The following PAK4 variants were observed in gnomAD, a reference collection of about 807,000 sequenced individuals.
The protein encoded by PAK4 is p21 (RAC1) activated kinase 4, also known as serine/threonine-protein kinase PAK 4.
A neutral mutation model predicts 53.5 loss-of-function variants in PAK4; 49 were observed. The ratio of observed to expected loss-of-function variants is 0.92; its 90% CI spans 0.73 to 1.16. The LOEUF is 1.16. Ranked by LOEUF, PAK4 falls within the 50% of genes most tolerant of loss-of-function variation. The pLI is 0.00. For missense variants in PAK4, 824 were observed against 850.7 expected, an observed-to-expected ratio of 0.97 and a Z score of 0.39; for synonymous variants, 376 against 375.6, an observed-to-expected ratio of 1.00 and a Z score of -0.01.
chr19:39,152,658 C>T (rs1417648595), intron 1 of PAK4, among the ~76,000 whole-genome samples: 1 of 152,096 alleles, frequency 6.6e-6, no homozygotes, highest in Admixed American at 6.5e-5. Context: ...AGTCAACAGC[C>T]ACAGGGCATA....
chr19:39,149,816 A>G (rs558219125), intron 1 of PAK4, among the ~76,000 whole-genome samples: 12 of 152,168 alleles, frequency 7.9e-5, no homozygotes, highest in Non-Finnish European at 1.3e-4. Flanking sequence ...AGATTGCACC[A>G]TTGCACTCCA....
intron 1 of PAK4, among the ~76,000 whole-genome samples, chr19:39,160,062 G>A (rs2074259588): frequency 2.0e-5 from 3 of 152,232 alleles, no homozygotes; most frequent in South Asian, 4.1e-4. Context: ...AGTGGGGAGG[G>A]CCTGGGCGTT....
At chr19:39,131,815 C>A (rs1413086876) in intron 1 of PAK4, among the ~76,000 whole-genome samples, 1 of 152,206 alleles carries the variant, frequency 6.6e-6, no homozygotes, top group Non-Finnish European at 1.5e-5. Context: ...TAGCCTTTTT[C>A]ACTAGCTGGG....
intron 1 of PAK4, among the ~76,000 whole-genome samples, chr19:39,132,306 C>T (rs1367593044): frequency 2.6e-5 from 4 of 152,204 alleles, no homozygotes; most frequent in South Asian, 2.1e-4. Context: ...TGTACAGGGA[C>T]GAGCAAATCT....
At chr19:39,148,465 G>GTTTTTTTTTT (rs1568506439) in intron 1 of PAK4, among the ~76,000 whole-genome samples, 2 of 9,124 alleles carry the variant, frequency 2.2e-4, no homozygotes, top group African/African-American at 4.0e-4. Context: ...AGTTTCTTCT[G>GTTTTTTTTTT]CTTTTTTTTT....
At chr19:39,154,492 T>C (rs2074143826) in intron 1 of PAK4, among the ~76,000 whole-genome samples, 1 of 152,042 alleles carries the variant, frequency 6.6e-6, no homozygotes, top group Admixed American at 6.5e-5. Flanking sequence ...TGGGCCAGGG[T>C]GGAAGGAGGA....
At chr19:39,127,348 TCTG>T (rs776047601) in intron 1 of PAK4, among the ~76,000 whole-genome samples, 19 of 151,994 alleles carry the variant, frequency 1.3e-4, no homozygotes, top group South Asian at 6.2e-4. Context: ...TCCTGTTCCT[TCTG>T]CTGGGAATCC....
intron 1 of PAK4, among the ~76,000 whole-genome samples, chr19:39,158,181 ATG>A (rs1313686145): frequency 6.7e-5 from 10 of 148,836 alleles, no homozygotes; most frequent in South Asian, 2.1e-4. Flanking sequence ...GTGAGTGTGC[ATG>A]TGTGTGAGCG....
intron 1 of PAK4, among the ~76,000 whole-genome samples, chr19:39,143,037 C>T (rs76945662): frequency 0.02 from 3,059 of 152,242 alleles, 38 homozygotes; most frequent in Middle Eastern, 0.044. Context: ...ATGGCTTCCT[C>T]ACCTGTATCC....
chr19:39,169,004 C>T lies in PAK4; in HGVS notation c.-22-528C>T, dbSNP rs116879829. ...ATGTGGCACTGACACTCTAGCGGTG[C>T]GGTGTGGATGCTGCACTCATGAACC... On this transcript the variant is annotated intron_variant, in intron 1 of 8. Transcript: ENST00000358301. Among the ~76,000 whole-genome samples the T allele has an allele frequency of 2.7e-4, 41 of 152,240 alleles. 1 individual carries two copies. The East Asian group carries it at 6.8e-3, about 25-fold the overall frequency.
rs571562892 is a variant in PAK4 at position 39,137,759 on chromosome 19, C to T, written c.-23+11840C>T. 7.1e-4 allele frequency among the ~76,000 whole-genome samples: 107 copies of T among 151,606 alleles called. No individual in the cohort carries two copies. The East Asian group carries it at 0.012, about 18-fold the overall frequency. ...TTGGCTCACTACAACCTCCGCCTGC[C>T]GGGTTCAAGCGATTCTCCTGCCTCA... On this transcript the variant is annotated intron_variant, in intron 1 of 8. Coordinates refer to ENST00000358301, the Ensembl canonical transcript of PAK4.
rs575867422 is a variant in PAK4 at position 39,165,159 on chromosome 19, G to A, written c.-22-4373G>A. ...AGAATGGGAACGGAGGGAGAGGGGA[G>A]GCCAGGACCAGCCTTGAGAGGATGA... On this transcript the variant is annotated intron_variant, in intron 1 of 8. Coordinates refer to ENST00000358301, the Ensembl canonical transcript of PAK4. Among the ~76,000 whole-genome samples the A allele has an allele frequency of 3.3e-5, 5 of 150,154 alleles. No homozygotes were observed. The East Asian group carries it at 9.8e-4, about 29-fold the overall frequency.
intron 1 of PAK4, among the ~76,000 whole-genome samples, chr19:39,145,877 T>G (rs2145167066): frequency 6.7e-6 from 1 of 149,606 alleles, no homozygotes; most frequent in East Asian, 2.0e-4. Flanking sequence ...GAGTTTACTC[T>G]CAAAGGCTCT....
In PAK4 at chr19:39,178,344, G is replaced by A; in HGVS notation, c.1621-80G>A. ...CACAGTACATGCCGCCAGCCGACTT[G>A]GCAGAGGCGGACACTGCAGCCCTAC... On this transcript the variant is annotated intron_variant, in intron 8 of 8. Transcript: ENST00000358301. This position sits in a 1 kb window ranked among gnomAD's most constrained non-coding sequence, Gnocchi z 4.4. 6.1e-6 allele frequency: 9 copies of A among 1,476,344 alleles called. No homozygotes were observed. Among genetic ancestry groups the A allele is most frequent in the Non-Finnish European group, 8.2e-6 (9 of 1,091,828 alleles). The allele number at this position is 1,476,344 out of a possible 1,614,324, so 91.5% of individuals were successfully genotyped here.
intron 2 of PAK4, among the ~76,000 whole-genome samples, chr19:39,169,977 C>G (rs2074448306): frequency 3.5e-5 from 1 of 28,444 alleles, no homozygotes; most frequent in South Asian, 1.6e-3. Context: ...ACCTGAGCCT[C>G]CCCCACGGCC....
At chr19:39,179,842 G>A (rs1568536197), downstream of PAK4, 1 of 152,256 alleles carries the variant, frequency 6.6e-6, no homozygotes, top group Non-Finnish European at 1.5e-5. Context: ...GAGACACCCT[G>A]TGAAGTGTGT....
intron 1 of PAK4, among the ~76,000 whole-genome samples, chr19:39,138,600 A>C (rs2073860035): frequency 1.3e-5 from 2 of 152,174 alleles, no homozygotes; most frequent in Non-Finnish European, 2.9e-5. Context: ...CACTCCCACA[A>C]GATGCCGTGC....
chr19:39,169,248 A>AG (rs369569986), intron 1 of PAK4, among the ~76,000 whole-genome samples: 19 of 149,424 alleles, frequency 1.3e-4, no homozygotes, highest in African/African-American at 2.4e-4. Flanking sequence ...TGAGGTCTCC[A>AG]GGGGGGGTGA....
intron 1 of PAK4, among the ~76,000 whole-genome samples, chr19:39,157,985 A>T: frequency 6.6e-6 from 1 of 152,236 alleles, no homozygotes; most frequent in South Asian, 2.1e-4. Context: ...CCTCACATGC[A>T]TCTGTGTCTA....
Sources: allele counts gnomAD v4.1 joint callset (sites outside exome capture counted in the v4.1 genomes callset), GRCh38; gene constraint gnomAD v4.1.1; non-coding constraint Gnocchi (gnomAD v3.1); transcripts MANE v1.5; gene names NCBI Gene and HGNC (gene_info 2026-07-23, HGNC 2026-07-21).